Variants in IMPA1 observed in about 807,000 individuals in gnomAD.
IMPA1 encodes the protein inositol monophosphatase 1, also known as D-galactose 1-phosphate phosphatase.
A neutral mutation model predicts 34.9 loss-of-function variants in IMPA1; 21 were observed. That is an observed-to-expected ratio of 0.60 (90% CI 0.43 to 0.87). The LOEUF (loss-of-function observed/expected upper bound fraction) is 0.87. Among genes scored for constraint, IMPA1 ranks in the 40% least tolerant of loss-of-function variants. IMPA1 has a pLI of 0.00. For synonymous variants in IMPA1, 95 were observed against 104.4 expected, an observed-to-expected ratio of 0.91 and a Z score of 0.55; for missense variants, 299 against 336.4, an observed-to-expected ratio of 0.89 and a Z score of 0.87.
At position 81,659,434 on chromosome 8, in the gene IMPA1, T is replaced by C. The variant is rs1806601242; in HGVS notation, c.751A>G (p.Ile251Val). The C allele has an allele frequency of 1.2e-6, 2 of 1,609,976 alleles. No individual in the cohort carries two copies. Among genetic ancestry groups the C allele is most frequent in the African/African-American group, 2.7e-5 (2 of 74,840 alleles). Residue 251 changes from isoleucine to valine, a missense_variant, in exon 9 of 9, where the codon ATT becomes GTT. By Grantham distance (29) the Ile-to-Val change is conservative. Transcript: ENST00000256108. Reference protein sequence around the residue: ...GPFDLMSRRVIAANNRILAER... With the variant: ...GPFDLMSRRVVAANNRILAER... ...GCTAATATTCTATTATTTGCAGCAA[T>C]TACTCTTCGTGACATCAAATCAAAT...
intron 7 of IMPA1, among the ~76,000 whole-genome samples, chr8:81,664,283 G>C (rs74376396): frequency 9.3e-4 from 141 of 152,140 alleles, no homozygotes; most frequent in African/African-American, 3.3e-3. Flanking sequence ...AAATCAACCA[G>C]GAGGACAAAT....
rs1807061390 is a variant in IMPA1, at chr8:81,673,932, C to T, written c.366G>A (p.Val122=). Residue 122 remains valine, a synonymous_variant, in exon 6 of 9, where the codon GTG becomes GTA. Transcript: ENST00000256108. ...ACATCTTGCCTTCCACACAACTGTACACAACTCCAAATTCTATCTGCAGAG... is the reference window on the plus strand; with the variant it reads ...ACATCTTGCCTTCCACACAACTGTATACAACTCCAAATTCTATCTGCAGAG... ...AVNKKIEFGV[V]YSCVEGKMYT... is the part of the protein sequence containing the mutation. The T allele has an allele frequency of 1.2e-6, 2 of 1,610,830 alleles. No individual in the cohort carries two copies. The highest frequency in any genetic ancestry group is 1.7e-6 in the Non-Finnish European group (2 of 1,177,314).
At chr8:81,674,633 G>A (rs561221058) in intron 5 of IMPA1, 11 of 344,140 alleles carry the variant, frequency 3.2e-5, no homozygotes, top group Admixed American at 2.5e-4. Context: ...CTACTAATTC[G>A]TTTCAGTTAT....
At chr8:81,677,833 T>C (rs1187571376) in intron 4 of IMPA1, among the ~76,000 whole-genome samples, 1 of 152,234 alleles carries the variant, frequency 6.6e-6, no homozygotes, top group Non-Finnish European at 1.5e-5. Flanking sequence ...ATTGTATATA[T>C]AGTACAGATG....
In IMPA1 at chr8:81,657,237, G is replaced by A. The variant is rs1291341149; in HGVS notation, c.*2114C>T. On this transcript the variant is annotated 3_prime_UTR_variant, in exon 9 of 9. Coordinates refer to ENST00000256108, the MANE Select transcript of IMPA1 (RefSeq NM_005536.4). Reference sequence around the variant, plus strand: ...TGGAAAGATTACAGGCAAAAAATAAGAACATATATTAAATTACATTTGCAA... The same window carrying A: ...TGGAAAGATTACAGGCAAAAAATAAAAACATATATTAAATTACATTTGCAA... Among the ~76,000 whole-genome samples the A allele has an allele frequency of 6.6e-6, 1 of 152,076 alleles. No individual in the cohort carries two copies. Among genetic ancestry groups the A allele is most frequent in the Non-Finnish European group, 1.5e-5 (1 of 67,992 alleles).
chr8:81,684,989 ATATT>A (rs1221717023), intron 1 of IMPA1, among the ~76,000 whole-genome samples: 1 of 134,500 alleles, frequency 7.4e-6, no homozygotes, highest in African/African-American at 2.8e-5. Flanking sequence ...ATACATAAGT[ATATT>A]TAGATACTAT....
chr8:81,683,414 T>C (rs908302860), intron 1 of IMPA1, among the ~76,000 whole-genome samples: 7 of 152,078 alleles, frequency 4.6e-5, no homozygotes, highest in African/African-American at 1.4e-4. Context: ...GTTTTGCTGG[T>C]AGAGAAGTTA....
intron 1 of IMPA1, among the ~76,000 whole-genome samples, chr8:81,683,068 C>T (rs980482840): frequency 1.3e-5 from 2 of 152,186 alleles, no homozygotes; most frequent in African/African-American, 2.4e-5. Context: ...GATCAGGTTT[C>T]CCTGAAGACA....
intron 7 of IMPA1, among the ~76,000 whole-genome samples, chr8:81,665,964 A>C (rs1015991943): frequency 6.6e-6 from 1 of 152,242 alleles, no homozygotes; most frequent in African/African-American, 2.4e-5. Flanking sequence ...TAGAGGACGA[A>C]CTTCAACCAA....
At chr8:81,671,192 A>T in intron 6 of IMPA1, 145 bp from the exon 7 acceptor site, 1 of 474,434 alleles carries the variant, frequency 2.1e-6, no homozygotes, top group Non-Finnish European at 3.7e-6. Context: ...TGATAAATTA[A>T]TTATCCCTAT....
In IMPA1 at chr8:81,670,937, A is replaced by G; in HGVS notation, c.566+2T>C. 1 of 1,423,980 alleles carries G rather than the reference A, an allele frequency of 7.0e-7. No individual in the cohort carries two copies. The highest frequency in any genetic ancestry group is 9.5e-7 in the Non-Finnish European group (1 of 1,048,476). The allele number at this position is 1,423,980 out of a possible 1,614,324, so 88.2% of individuals were successfully genotyped here. A position where few individuals can be genotyped will look rare whatever the true frequency, so the allele number is the denominator to read the frequency against. On this transcript the variant is annotated splice_donor_variant, in intron 7 of 8. Coordinates refer to ENST00000256108, the MANE Select transcript of IMPA1 (RefSeq NM_005536.4). LOFTEE classifies it high-confidence loss of function. ...GAGATAGAATAATGGTAAAGAGCTT[A>G]CCCATGAACAGGAATGCAAAAAAGC...
chr8:81,686,144 G>A, intron 1 of IMPA1, 108 bp downstream of exon 1: 2 of 857,974 alleles, frequency 2.3e-6, no homozygotes, highest in Admixed American at 9.5e-5. Context: ...CCTAGGCGCC[G>A]ACCGCGCACG....
intron 1 of IMPA1, chr8:81,685,784 A>T: frequency 6.5e-7 from 1 of 1,531,598 alleles, no homozygotes; most frequent in Non-Finnish European, 8.8e-7. Flanking sequence ...CAAAGCCATA[A>T]ACACCTGAAC....
intron 7 of IMPA1, among the ~76,000 whole-genome samples, chr8:81,665,208 C>A (rs1428217501): frequency 2.6e-5 from 4 of 152,012 alleles, no homozygotes; most frequent in Admixed American, 2.6e-4. Flanking sequence ...GAATATCAAT[C>A]GAATCCGAAT....
In IMPA1 at chr8:81,681,087, A is replaced by C. The variant is rs1807284187; in HGVS notation, c.64-304T>G. 2.0e-5 allele frequency among the ~76,000 whole-genome samples: 3 copies of C among 152,212 alleles called. No individual in the cohort carries two copies. In the South Asian group the frequency reaches 6.2e-4, roughly 32 times the overall value. On this transcript the variant is annotated intron_variant, in intron 2 of 8. Transcript: ENST00000256108. Reference sequence around the variant, plus strand: ...AAATGAAAATAAATGTAGATTGATCAAAGTGTATATTTTATTTAACAAGGC... The same window carrying C: ...AAATGAAAATAAATGTAGATTGATCCAAGTGTATATTTTATTTAACAAGGC...
At chr8:81,668,815 A>T (rs772840751) in intron 7 of IMPA1, among the ~76,000 whole-genome samples, 8 of 152,112 alleles carry the variant, frequency 5.3e-5, no homozygotes, top group Non-Finnish European at 1.0e-4. Context: ...GAGATCTTCA[A>T]GGCTGCCCCT....
At chr8:81,666,860 ACT>A (rs1473226043) in intron 7 of IMPA1, among the ~76,000 whole-genome samples, 1 of 116,380 alleles carries the variant, frequency 8.6e-6, no homozygotes, top group African/African-American at 3.5e-5. Context: ...ACAGAGGGAG[ACT>A]CTGTCTCAAA....
chr8:81,664,819 T>G (rs986822572), intron 7 of IMPA1, among the ~76,000 whole-genome samples: 14 of 151,434 alleles, frequency 9.2e-5, no homozygotes, highest in African/African-American at 3.4e-4. Context: ...TATACATATG[T>G]AACTAACCTG....
chr8:81,679,232 TA>T lies in IMPA1; in HGVS notation c.198-3del. ...GCCACAGATTCTTCACCAATGAAAC[TA>T]AAAGCCAAGTAGGACAAACTCTTAA... On this transcript the variant is annotated splice_polypyrimidine_tract_variant and splice_region_variant and intron_variant, in intron 3 of 8. Coordinates refer to ENST00000256108, the MANE Select transcript of IMPA1 (RefSeq NM_005536.4). The T allele has an allele frequency of 6.3e-7, 1 of 1,597,976 alleles. No individual in the cohort carries two copies. Among genetic ancestry groups the T allele is most frequent in the Non-Finnish European group, 8.6e-7 (1 of 1,165,394 alleles).
Sources: gnomAD v4.1 joint callset for allele counts (sites outside exome capture counted in the v4.1 genomes callset) on GRCh38, gnomAD v4.1.1 for gene constraint, MANE v1.5 for transcripts, NCBI Gene and HGNC (gene_info 2026-07-23, HGNC 2026-07-21) for gene names.